The following SEC63 variants were observed in gnomAD, a reference collection of about 807,000 sequenced individuals.
The protein encoded by SEC63 is SEC63 protein translocation regulator.
Under a neutral mutation model 116.2 loss-of-function variants are expected in SEC63, and 56 were observed. That is an observed-to-expected ratio of 0.48 (90% confidence interval 0.39 to 0.60). The LOEUF is 0.60. Among genes scored for constraint, SEC63 ranks in the 20% least tolerant of loss-of-function variants. SEC63 has a pLI of 0.00. For missense variants in SEC63, 668 were observed against 900.0 expected, an observed-to-expected ratio of 0.74 and a Z score of 3.30; for synonymous variants, 273 against 294.6, an observed-to-expected ratio of 0.93 and a Z score of 0.75.
chr6:107,934,587 T>C (rs1160443208), intron 1 of SEC63, among the ~76,000 whole-genome samples: 3 of 139,682 alleles, frequency 2.1e-5, no homozygotes, highest in Admixed American at 7.0e-5. Flanking sequence ...GTGAGGAGCG[T>C]CTCCGCCCGG....
chr6:107,879,321 G>A (rs879450386), intron 18 of SEC63, among the ~76,000 whole-genome samples: 2 of 151,416 alleles, frequency 1.3e-5, no homozygotes, highest in South Asian at 4.2e-4. Flanking sequence ...CCGCCACCAC[G>A]CCCGGCTAAT....
chr6:107,953,599 G>A (rs1225747435), intron 1 of SEC63, among the ~76,000 whole-genome samples: 7 of 144,746 alleles, frequency 4.8e-5, no homozygotes, highest in African/African-American at 1.6e-4. Context: ...CCGGCCAGCC[G>A]CCCCGTCCGG....
In SEC63 at chr6:107,910,954, G is replaced by A. The variant is rs530674749; in HGVS notation, c.624+392C>T. On this transcript the variant is annotated intron_variant, in intron 7 of 20. Transcript: ENST00000369002. ...TCAAACTCCTGCCCTAAATTGATCTGCCCACCTCAGCCTCCCAATGTGCTG... is the reference window on the plus strand; with the variant it reads ...TCAAACTCCTGCCCTAAATTGATCTACCCACCTCAGCCTCCCAATGTGCTG... 4.6e-5 allele frequency among the ~76,000 whole-genome samples: 7 copies of A among 152,000 alleles called. No homozygotes were observed. The East Asian group carries it at 1.4e-3, about 29-fold the overall frequency.
At chr6:107,882,111 TAAC>T (rs1228133459) in intron 17 of SEC63, among the ~76,000 whole-genome samples, 1 of 152,214 alleles carries the variant, frequency 6.6e-6, no homozygotes, top group Non-Finnish European at 1.5e-5. Flanking sequence ...CTGCAAATGC[TAAC>T]AATAGACATC....
At chr6:107,930,302 A>G (rs1787771237) in intron 1 of SEC63, 1 of 144,888 alleles carries the variant, frequency 6.9e-6, no homozygotes, top group African/African-American at 2.6e-5. Flanking sequence ...AGCACCATTT[A>G]AAATTTTTAT....
At chr6:107,954,409 T>G (rs1156533832) in intron 1 of SEC63, among the ~76,000 whole-genome samples, 1 of 148,120 alleles carries the variant, frequency 6.8e-6, no homozygotes, top group Non-Finnish European at 1.5e-5. Context: ...CCTCCACTAT[T>G]GTCCTATGAC....
chr6:107,912,791 A>C lies in SEC63; in HGVS notation c.515-17T>G, dbSNP rs1368236610. The C allele has an allele frequency of 2.5e-6, 4 of 1,593,602 alleles. No individual in the cohort carries two copies. In the East Asian group the frequency reaches 8.9e-5, roughly 36 times the overall value. ...AGCTTGTGGCTGAAATAGAAAAAAT[A>C]TCAGTTTCTGAAGAATCTCTACTTT... On this transcript the variant is annotated splice_polypyrimidine_tract_variant and intron_variant, in intron 5 of 20. Transcript: ENST00000369002.
At chr6:107,896,224 G>A (rs1786814081) in intron 14 of SEC63, among the ~76,000 whole-genome samples, 1 of 152,114 alleles carries the variant, frequency 6.6e-6, no homozygotes, top group African/African-American at 2.4e-5. Flanking sequence ...AGCACGTTGG[G>A]AGACCAAGGT....
Position 107,883,216 on chromosome 6 carries a change from G to T in SEC63, c.1675-70C>A, listed in dbSNP as rs1786453079. 3.1e-6 allele frequency: 5 copies of T among 1,589,058 alleles called. No homozygotes were observed. The Admixed American group carries it at 8.5e-5, about 27-fold the overall frequency. The stretch of plus-strand genomic sequence containing the variant: ...GAACATATCAATCTGAATCCCTGAA[G>T]TTAACTTATTGTCAATTTAACTAAA... On this transcript the variant is annotated intron_variant, in intron 16 of 20. Coordinates refer to ENST00000369002, the MANE Select transcript of SEC63 (RefSeq NM_007214.5).
At chr6:107,939,113 T>C (rs1562338101) in intron 1 of SEC63, among the ~76,000 whole-genome samples, 1 of 151,398 alleles carries the variant, frequency 6.6e-6, no homozygotes, top group Non-Finnish European at 1.5e-5. Context: ...GGAGACCTTG[T>C]CCCTACAGAA....
In SEC63 at chr6:107,942,860, C is replaced by A. The variant is rs537324041; in HGVS notation, c.125-13346G>T. Among the ~76,000 whole-genome samples, 76 of 152,232 alleles carry A rather than the reference C, an allele frequency of 5.0e-4. 1 individual carries two copies. Among genetic ancestry groups the A allele is most frequent in the African/African-American group, 1.8e-3 (74 of 41,532 alleles). ...TATATTTACAGTACTGTTATTAATA[C>A]CTTAAGTTTATGTCACCTGTTTACA... is the stretch of plus-strand genomic sequence containing the variant. On this transcript the variant is annotated intron_variant, in intron 1 of 20. Coordinates refer to ENST00000369002, the MANE Select transcript of SEC63 (RefSeq NM_007214.5).
Position 107,909,009 on chromosome 6 carries a change from G to A in SEC63, c.651C>T (p.Arg217=), listed in dbSNP as rs200833217. ...GTATTAGAATCTGGTCTCCACTATA[G>A]CGTATTGAGCGATACCACCAAGAGC... ...VVGSWWYRSI[R]YSGDQILIRT... The change falls in exon 8 of 21, where the codon CGC becomes CGT. Residue 217 remains arginine (R), a synonymous_variant. Transcript: ENST00000369002. 5.6e-5 allele frequency: 90 copies of A among 1,612,550 alleles called. No individual in the cohort carries two copies. Among genetic ancestry groups the A allele is most frequent in the Non-Finnish European group, 7.0e-5 (82 of 1,178,936 alleles).
At chr6:107,956,891 GCAAGTTAGCA>G (rs1196344976) in intron 1 of SEC63, among the ~76,000 whole-genome samples, 1 of 152,114 alleles carries the variant, frequency 6.6e-6, no homozygotes, top group Admixed American at 6.6e-5. Flanking sequence ...AGATATTTAA[GCAAGTTAGCA>G]CAGCTCTTGT....
Position 107,906,511 on chromosome 6 carries a change from T to C in SEC63, c.898A>G (p.Lys300Glu). The change falls in exon 10 of 21, where the codon AAG becomes GAG. Residue 300 changes from lysine (K) to glutamate (E), a missense_variant. Coordinates refer to ENST00000369002, the MANE Select transcript of SEC63 (RefSeq NM_007214.5). ...EPPLTCPYSL[K>E]ARVLLLSHLA... Reference sequence around the variant, plus strand: ...TGAGACAGTAAAAGAACTCTGGCCTTCAGGCTATATGGGCAGGTAAGTGGA... The same window carrying C: ...TGAGACAGTAAAAGAACTCTGGCCTCCAGGCTATATGGGCAGGTAAGTGGA... 1 of 1,613,966 alleles carries C rather than the reference T, an allele frequency of 6.2e-7. No individual in the cohort carries two copies. The highest frequency in any genetic ancestry group is 8.5e-7 in the Non-Finnish European group (1 of 1,179,792).
intron 7 of SEC63, 29 bp from the exon 8 acceptor site, chr6:107,909,064 A>G: frequency 6.7e-7 from 1 of 1,499,304 alleles, no homozygotes; most frequent in East Asian, 2.3e-5. Context: ...TAAACAAGAA[A>G]GAAAGTATAA....
chr6:107,916,546 C>A (rs963878680), intron 4 of SEC63, among the ~76,000 whole-genome samples: 1 of 152,144 alleles, frequency 6.6e-6, no homozygotes, highest in Non-Finnish European at 1.5e-5. Flanking sequence ...TGCAAGCAAA[C>A]TTCTTATTGC....
chr6:107,939,711 G>T (rs544210633), intron 1 of SEC63, among the ~76,000 whole-genome samples: 1 of 152,002 alleles, frequency 6.6e-6, no homozygotes, highest in Admixed American at 6.6e-5. Context: ...ACTCCAGCCC[G>T]GGTGAAAGTA....
chr6:107,904,155 A>G (rs1787081792), intron 11 of SEC63, among the ~76,000 whole-genome samples: 1 of 131,884 alleles, frequency 7.6e-6, no homozygotes, highest in African/African-American at 2.9e-5. Flanking sequence ...TCAAAAACAC[A>G]GTGACCAGGG....
chr6:107,914,820 A>G (rs972845756), intron 4 of SEC63, among the ~76,000 whole-genome samples: 3 of 152,108 alleles, frequency 2.0e-5, no homozygotes, highest in Non-Finnish European at 4.4e-5. Context: ...TGCCTTTGTG[A>G]TTATGCAAAA....
Sources: gnomAD v4.1 joint callset for allele counts (sites outside exome capture counted in the v4.1 genomes callset) on GRCh38, gnomAD v4.1.1 for gene constraint, MANE v1.5 for transcripts, NCBI Gene and HGNC (gene_info 2026-07-23, HGNC 2026-07-21) for gene names.